The following VWA3B variants were observed in gnomAD, a reference collection of about 807,000 sequenced individuals.
VWA3B encodes the protein von Willebrand factor A domain-containing protein 3B.
Under a neutral mutation model 158.3 loss-of-function variants are expected in VWA3B, and 138 were observed. That is an observed-to-expected ratio of 0.87 (90% CI 0.76 to 1.00). The LOEUF (loss-of-function observed/expected upper bound fraction) is 1.00. Among genes scored for constraint, VWA3B ranks in the 50% least tolerant of loss-of-function variants. VWA3B has a pLI of 0.00. For synonymous variants in VWA3B, 596 were observed against 587.3 expected (o/e 1.01, Z -0.21); for missense variants, 1,555 against 1,565.1 (o/e 0.99, Z 0.11).
intron 12 of VWA3B, 119 bp downstream of exon 12, chr2:98,194,611 A>G (rs1681884995): frequency 7.7e-7 from 1 of 1,303,420 alleles, no homozygotes; most frequent in Admixed American, 2.3e-5. Flanking sequence ...GAAGTGGCTT[A>G]ACATGTAGAC....
chr2:98,197,751 A>C (rs1279234387), intron 12 of VWA3B, among the ~76,000 whole-genome samples: 2 of 151,908 alleles, frequency 1.3e-5, no homozygotes, highest in African/African-American at 4.8e-5. Flanking sequence ...ATATGCATCC[A>C]CCTTTTTTTC....
rs1675544854 is a variant in VWA3B at position 98,128,308 on chromosome 2, G to T, written c.772G>T (p.Ala258Ser). 6.2e-7 allele frequency: 1 copy of T among 1,614,110 alleles called. No individual in the cohort carries two copies. Among genetic ancestry groups the T allele is most frequent in the East Asian group, 2.2e-5 (1 of 44,874 alleles). ...EESKELLLQR[A>S]LEIPCPVYTV... ...ATCCAAGGAGCTTCTCCTCCAGAGGGCCTTGGAGATCCCGTGTCCAGTCTA... is the reference window on the plus strand; with the variant it reads ...ATCCAAGGAGCTTCTCCTCCAGAGGTCCTTGGAGATCCCGTGTCCAGTCTA... Residue 258 changes from alanine (A) to serine (S), a missense_variant, in exon 6 of 28, where the codon GCC becomes TCC. Ala to Ser is a moderately conservative substitution (Grantham distance 99). Transcript: ENST00000477737.
chr2:98,137,846 G>C (rs1439218004), intron 7 of VWA3B, among the ~76,000 whole-genome samples: 1 of 144,184 alleles, frequency 6.9e-6, no homozygotes, highest in Non-Finnish European at 1.5e-5. Context: ...TCAAGATTAG[G>C]AGTGTAAAAT....
At chr2:98,132,103 G>T (rs796401150) in intron 6 of VWA3B, among the ~76,000 whole-genome samples, 44 of 152,326 alleles carry the variant, frequency 2.9e-4, no homozygotes, top group African/African-American at 9.9e-4. Flanking sequence ...CTCATCTGGG[G>T]CATGCTAGAG....
chr2:98,206,027 A>C (rs1682985614), intron 12 of VWA3B: 1 of 152,192 alleles, frequency 6.6e-6, no homozygotes, highest in Non-Finnish European at 1.5e-5. Context: ...TATAAATCTC[A>C]ATTAGATCTG....
intron 19 of VWA3B, among the ~76,000 whole-genome samples, chr2:98,242,583 A>G (rs994311101): frequency 6.6e-6 from 1 of 151,254 alleles, no homozygotes; most frequent in Admixed American, 6.6e-5. Flanking sequence ...CATCCCATCA[A>G]GGCTTCCTGT....
At chr2:98,280,790 C>T (rs1172695209) in intron 22 of VWA3B, among the ~76,000 whole-genome samples, 2 of 152,158 alleles carry the variant, frequency 1.3e-5, no homozygotes, top group Non-Finnish European at 2.9e-5. Flanking sequence ...AGGCTAAGTG[C>T]CTAAGACTAC....
chr2:98,116,820 T>C (rs1189430921), intron 3 of VWA3B, among the ~76,000 whole-genome samples: 1 of 152,218 alleles, frequency 6.6e-6, no homozygotes, highest in Admixed American at 6.5e-5. Context: ...GCATCATGCC[T>C]GCCCCTTTTT....
chr2:98,206,107 G>A (rs1296705661), intron 12 of VWA3B: 1 of 152,176 alleles, frequency 6.6e-6, no homozygotes, highest in East Asian at 1.9e-4. Flanking sequence ...CAATCATTAA[G>A]AGCGGGATAT....
chr2:98,255,956 C>A (rs991069208), intron 20 of VWA3B, among the ~76,000 whole-genome samples, 168 bp from the exon 21 acceptor site: 3 of 152,152 alleles, frequency 2.0e-5, no homozygotes, highest in African/African-American at 7.2e-5. Flanking sequence ...CACGAGGCTG[C>A]TGCAGTGATG....
chr2:98,172,188 C>T lies in VWA3B; in HGVS notation c.1115-8828C>T, dbSNP rs950030382. ...GGTGTACCAGAAGAATCGGATCACA[C>T]GTGGGCTTGGAGAATGAGTGCCAGG... On this transcript the variant is annotated intron_variant, in intron 8 of 27. Transcript: ENST00000477737. Among the ~76,000 whole-genome samples the T allele has an allele frequency of 3.9e-5, 6 of 152,312 alleles. No homozygotes were observed. In the Middle Eastern group the frequency reaches 0.01, roughly 259 times the overall value.
In VWA3B at chr2:98,265,475, G is replaced by A. The variant is rs551109144; in HGVS notation, c.2844-5207G>A. Among the ~76,000 whole-genome samples, 12 of 152,128 alleles carry A rather than the reference G, an allele frequency of 7.9e-5. No individual in the cohort carries two copies. In the South Asian group the frequency reaches 2.5e-3, roughly 32 times the overall value. ...ACATTTGGGTTGGTTCCAAGTCTTT[G>A]CTATTGTGAATAATGCCTCAATAAA... On this transcript the variant is annotated intron_variant, in intron 21 of 27. Coordinates refer to ENST00000477737, the MANE Select transcript of VWA3B (RefSeq NM_144992.5).
chr2:98,292,081 T>TA (rs772141517), intron 23 of VWA3B: 5,818 of 86,028 alleles, frequency 0.068, 230 homozygotes, highest in East Asian at 0.19. Context: ...TCATCTCTAC[T>TA]AAAAAAAAAA....
chr2:98,169,412 A>G (rs1005088089), intron 8 of VWA3B, among the ~76,000 whole-genome samples: 7 of 152,320 alleles, frequency 4.6e-5, no homozygotes, highest in African/African-American at 1.7e-4. Context: ...AGACAAGCTG[A>G]CAAAGGAAAT....
intron 9 of VWA3B, among the ~76,000 whole-genome samples, chr2:98,185,068 C>A (rs1020133638): frequency 6.6e-6 from 1 of 152,196 alleles, no homozygotes; most frequent in South Asian, 2.1e-4. Context: ...TCCTCCCCAA[C>A]TCCATCTCTA....
chr2:98,140,634 G>A (rs541466844), intron 7 of VWA3B, among the ~76,000 whole-genome samples: 17 of 152,264 alleles, frequency 1.1e-4, no homozygotes, highest in African/African-American at 4.1e-4. Context: ...GCTGGAGAGG[G>A]TAAGGGGCAC....
In VWA3B at chr2:98,162,917, C is replaced by T. The variant is rs1678742322; in HGVS notation, c.1055C>T (p.Ala352Val). The T allele has an allele frequency of 6.2e-7, 1 of 1,613,888 alleles. No individual in the cohort carries two copies. The highest frequency in any genetic ancestry group is 1.3e-5 in the African/African-American group (1 of 74,926). ...ATGGAGGAAGCCTGCAGCACGCTGGCCCAGATCCAGAGGCTGGTGGCCGAG... is the reference window on the plus strand; with the variant it reads ...ATGGAGGAAGCCTGCAGCACGCTGGTCCAGATCCAGAGGCTGGTGGCCGAG... ...QEMEEACSTL[A>V]QIQRLVAEPP... The change falls in exon 8 of 28, where the codon GCC becomes GTC. Residue 352 changes from alanine (A) to valine (V), a missense_variant. By Grantham distance (64) the Ala-to-Val change is moderately conservative. Coordinates refer to ENST00000477737, the MANE Select transcript of VWA3B (RefSeq NM_144992.5).
At chr2:98,120,422 T>C (rs149444790) in intron 4 of VWA3B, among the ~76,000 whole-genome samples, 2 of 152,358 alleles carry the variant, frequency 1.3e-5, no homozygotes, top group African/African-American at 2.4e-5. Flanking sequence ...ATAGAGGACA[T>C]CTTTGGGGAC....
At position 98,303,421 on chromosome 2, in the gene VWA3B, G is replaced by GGTGTGTGTGTGTGTGT. The variant is rs58157632; in HGVS notation, c.3421-260_3421-245dup. Among the ~76,000 whole-genome samples the GGTGTGTGTGTGTGTGT allele has an allele frequency of 5.3e-4, 77 of 146,650 alleles. 1 individual carries two copies. The highest frequency in any genetic ancestry group is 1.7e-3 in the African/African-American group (68 of 39,556). On this transcript the variant is annotated intron_variant, in intron 25 of 27. Coordinates refer to ENST00000477737, the MANE Select transcript of VWA3B (RefSeq NM_144992.5). ...ATAGAAAGGAAGGTGGTTATGTGAA[G>GGTGTGTGTGTGTGTGT]GTGTGTGTGTGTGTGTGTGTGTGTG...
Sources: allele counts gnomAD v4.1 joint callset (sites outside exome capture counted in the v4.1 genomes callset), GRCh38; gene constraint gnomAD v4.1.1; transcripts MANE v1.5; gene names NCBI Gene and HGNC (gene_info 2026-07-23, HGNC 2026-07-21).